DOCK2: variants seen among roughly 807,000 people sequenced by gnomAD.
The protein encoded by DOCK2 is dedicator of cytokinesis 2, also known as dedicator of cytokinesis protein 2.
DOCK2 carries 87 observed loss-of-function variants against 248.9 expected under a neutral mutation model. That is an observed-to-expected ratio of 0.35 (90% CI 0.29 to 0.42). The LOEUF is 0.42. Among genes scored for constraint, DOCK2 ranks in the 10% least tolerant of loss-of-function variants. DOCK2 has a pLI of 1.00. For missense variants in DOCK2, 1,747 were observed against 2,300.2 expected, an observed-to-expected ratio of 0.76 and a Z score of 4.92; for synonymous variants, 805 against 821.6, an observed-to-expected ratio of 0.98 and a Z score of 0.35.
intron 27 of DOCK2, chr5:169,883,672 G>T: frequency 1.3e-6 from 2 of 1,550,994 alleles, no homozygotes; most frequent in Non-Finnish European, 1.7e-6. Flanking sequence ...GTAGGTGGGG[G>T]GAAGATGGTG....
At position 169,699,507 on chromosome 5, in the gene DOCK2, C is replaced by T. The variant is rs774290512; in HGVS notation, c.1132+49C>T. 3.2e-6 allele frequency: 5 copies of T among 1,552,552 alleles called. No individual in the cohort carries two copies. In the Admixed American group the frequency reaches 5.6e-5, roughly 17 times the overall value. On this transcript the variant is annotated intron_variant, in intron 12 of 51. Transcript: ENST00000520908. ...GCTGAGCCTGCTCCAGCTTGGGAGC[C>T]CCTAACTCTTCAGCAAATGAATCAA...
At chr5:169,789,945 T>C (rs893839829) in intron 25 of DOCK2, among the ~76,000 whole-genome samples, 1 of 152,226 alleles carries the variant, frequency 6.6e-6, no homozygotes, top group Non-Finnish European at 1.5e-5. Context: ...ATTTGAAATA[T>C]AGTATACTTC....
At chr5:169,752,856 G>A (rs1358702021) in intron 23 of DOCK2, among the ~76,000 whole-genome samples, 1 of 152,128 alleles carries the variant, frequency 6.6e-6, no homozygotes, top group Non-Finnish European at 1.5e-5. Flanking sequence ...CACAAGGTCT[G>A]GAGTTTGAGA....
At chr5:169,857,315 G>C (rs560912664) in intron 27 of DOCK2, among the ~76,000 whole-genome samples, 2 of 152,326 alleles carry the variant, frequency 1.3e-5, no homozygotes, top group East Asian at 3.9e-4. Context: ...TACTTATGAT[G>C]ACAATTTATT....
chr5:169,671,248 G>A, intron 5 of DOCK2, 74 bp downstream of exon 5: 1 of 1,437,894 alleles, frequency 7.0e-7, no homozygotes, highest in Non-Finnish European at 9.7e-7. Flanking sequence ...TTTCATTTTA[G>A]CATTGAGTCA....
At chr5:169,916,703 C>T (rs1382695682) in intron 27 of DOCK2, among the ~76,000 whole-genome samples, 1 of 152,086 alleles carries the variant, frequency 6.6e-6, no homozygotes, top group Non-Finnish European at 1.5e-5. Context: ...TTAATAACAA[C>T]AGCCAGTATT....
At chr5:169,725,667 C>T (rs932008127) in intron 22 of DOCK2, among the ~76,000 whole-genome samples, 17 of 146,304 alleles carry the variant, frequency 1.2e-4, no homozygotes, top group African/African-American at 4.2e-4. Context: ...AGCCCCCAAC[C>T]CCCGACAGGC....
intron 25 of DOCK2, among the ~76,000 whole-genome samples, chr5:169,777,277 G>C (rs1356022220): frequency 6.6e-6 from 1 of 152,188 alleles, no homozygotes; most frequent in Non-Finnish European, 1.5e-5. Context: ...ATCCAATTCG[G>C]GAGGGACATG....
At chr5:169,782,141 C>A (rs1026805071) in intron 25 of DOCK2, among the ~76,000 whole-genome samples, 4 of 152,048 alleles carry the variant, frequency 2.6e-5, no homozygotes, top group Non-Finnish European at 4.4e-5. Context: ...GGGACTACAG[C>A]GAGTTGCAAA....
intron 36 of DOCK2, among the ~76,000 whole-genome samples, chr5:170,039,808 G>T (rs1484718120): frequency 1.3e-5 from 2 of 152,220 alleles, no homozygotes; most frequent in African/African-American, 4.8e-5. Flanking sequence ...GTGAGACAGT[G>T]GGTCAGGGTA....
chr5:169,801,410 C>T (rs1231615740), intron 25 of DOCK2, among the ~76,000 whole-genome samples: 3 of 152,086 alleles, frequency 2.0e-5, no homozygotes, highest in African/African-American at 7.2e-5. Context: ...TCCTCATCAG[C>T]AAAACGGGGA....
At chr5:170,035,139 C>T (rs1332240142) in intron 35 of DOCK2, among the ~76,000 whole-genome samples, 1 of 152,218 alleles carries the variant, frequency 6.6e-6, no homozygotes, top group Non-Finnish European at 1.5e-5. Flanking sequence ...CCCCTATATT[C>T]CATGAGCTCC....
intron 27 of DOCK2, chr5:169,882,544 TCTC>T (rs1292209264): frequency 1.3e-6 from 2 of 1,521,876 alleles, no homozygotes; most frequent in Admixed American, 4.3e-5. Flanking sequence ...GAAAAAAAAA[TCTC>T]CTTACCCTTC....
chr5:169,663,562 A>G (rs969363190), intron 2 of DOCK2, among the ~76,000 whole-genome samples: 21 of 152,252 alleles, frequency 1.4e-4, no homozygotes, highest in African/African-American at 5.1e-4. Flanking sequence ...CTGAAATCTA[A>G]GCAGAGATTC....
At chr5:169,875,082 T>C (rs753683236) in intron 27 of DOCK2, 12 of 401,368 alleles carry the variant, frequency 3.0e-5, no homozygotes, top group East Asian at 7.1e-5. Context: ...CTAAAGCTAC[T>C]CTCTGGGCTA....
intron 26 of DOCK2, among the ~76,000 whole-genome samples, chr5:169,818,966 T>C (rs949388161): frequency 1.3e-5 from 2 of 152,188 alleles, no homozygotes; most frequent in African/African-American, 4.8e-5. Flanking sequence ...ATAAACTTTT[T>C]GCTTATACTT....
chr5:169,860,731 A>G (rs776477076), intron 27 of DOCK2, among the ~76,000 whole-genome samples: 11 of 152,190 alleles, frequency 7.2e-5, no homozygotes, highest in African/African-American at 9.7e-5. Context: ...TTTCTTTTCA[A>G]TTCTCTCTCA....
At chr5:169,703,672 A>G (rs536028939) in intron 14 of DOCK2, among the ~76,000 whole-genome samples, 3 of 152,358 alleles carry the variant, frequency 2.0e-5, no homozygotes, top group African/African-American at 7.2e-5. Flanking sequence ...CATGTTAATT[A>G]GTATCTATTT....
intron 27 of DOCK2, chr5:169,875,397 C>G: frequency 2.3e-6 from 1 of 435,864 alleles, no homozygotes; most frequent in South Asian, 1.6e-5. Flanking sequence ...TCAATGTAAA[C>G]CCTCACGATG....
Sources: gnomAD v4.1 joint callset for allele counts (sites outside exome capture counted in the v4.1 genomes callset) on GRCh38, gnomAD v4.1.1 for gene constraint, MANE v1.5 for transcripts, NCBI Gene and HGNC (gene_info 2026-07-23, HGNC 2026-07-21) for gene names.